RNF212: variants seen among roughly 807,000 people sequenced by gnomAD.
RNF212 encodes the protein ring finger protein 212, also known as probable E3 SUMO-protein ligase RNF212.
RNF212 carries 33 observed loss-of-function variants against 34.7 expected under a neutral mutation model. The observed-to-expected ratio is 0.95, with a 90% CI of 0.72 to 1.27. The LOEUF is 1.27. Among genes scored for constraint, RNF212 ranks in the 50% most tolerant of loss-of-function variants. The probability of loss-of-function intolerance (pLI) is 0.00; values close to 1 mark genes in which losing one functional copy is unlikely to be tolerated. For missense variants in RNF212, 377 were observed against 362.2 expected, an observed-to-expected ratio of 1.04 and a Z score of -0.33; for synonymous variants, 140 against 136.1, an observed-to-expected ratio of 1.03 and a Z score of -0.20.
chr4:1,113,631 C>A (rs1288531552), upstream of RNF212: 7 of 503,448 alleles, frequency 1.4e-5, no homozygotes, highest in African/African-American at 2.1e-5. Context: ...GCCAACCTCG[C>A]GGGTTCTCCC....
chr4:1,092,474 C>A (rs1462336901), intron 3 of RNF212, among the ~76,000 whole-genome samples: 2 of 151,948 alleles, frequency 1.3e-5, no homozygotes, highest in African/African-American at 4.9e-5. Flanking sequence ...GGGAGCCACA[C>A]AGGCCTGCAG....
intron 3 of RNF212, among the ~76,000 whole-genome samples, chr4:1,091,285 C>T (rs1409195118): frequency 6.6e-6 from 1 of 152,222 alleles, no homozygotes; most frequent in African/African-American, 2.4e-5. Flanking sequence ...CAGGGCCAGC[C>T]ATGCCTGACA....
At chr4:1,105,272 G>C (rs1241636196) in intron 2 of RNF212, among the ~76,000 whole-genome samples, 2 of 148,222 alleles carry the variant, frequency 1.3e-5, no homozygotes, top group Non-Finnish European at 3.0e-5. Flanking sequence ...GGGGAGCACA[G>C]CTGCTGCTCT....
At chr4:1,091,028 G>A (rs1722111939) in intron 3 of RNF212, among the ~76,000 whole-genome samples, 190 bp from the exon 4 acceptor site, 1 of 152,212 alleles carries the variant, frequency 6.6e-6, no homozygotes, top group Admixed American at 6.5e-5. Context: ...CACAGGGGAG[G>A]CTTAATGGGC....
At chr4:1,061,723 A>G (rs148539340) in intron 3 of RNF212, among the ~76,000 whole-genome samples, 80 of 152,358 alleles carry the variant, frequency 5.3e-4, no homozygotes, top group African/African-American at 1.9e-3. Flanking sequence ...AGCAGAAACC[A>G]TGAGCGGACA....
chr4:1,091,214 AGAAT>A (rs1435313924), intron 3 of RNF212, among the ~76,000 whole-genome samples: 7 of 152,220 alleles, frequency 4.6e-5, no homozygotes, highest in African/African-American at 1.7e-4. Flanking sequence ...GCCGGCACAC[AGAAT>A]GAGGCTAAGC....
intron 3 of RNF212, among the ~76,000 whole-genome samples, chr4:1,062,043 G>C (rs1250805976): frequency 1.3e-5 from 2 of 152,144 alleles, no homozygotes; most frequent in Admixed American, 1.3e-4. Flanking sequence ...TATGATGATA[G>C]TGACTCCAGG....
At chr4:1,098,543 G>A (rs1046873299) in intron 2 of RNF212, among the ~76,000 whole-genome samples, 5 of 152,054 alleles carry the variant, frequency 3.3e-5, no homozygotes, top group African/African-American at 7.2e-5. Flanking sequence ...GCTCTGGCTC[G>A]GATGGGGTAG....
At chr4:1,077,212 AGAGT>A (rs999189038) in intron 8 of RNF212, among the ~76,000 whole-genome samples, 2 of 152,228 alleles carry the variant, frequency 1.3e-5, no homozygotes, top group African/African-American at 2.4e-5. Context: ...TATAGGCAAT[AGAGT>A]GAGACTCTGT....
chr4:1,090,460 G>C (rs1424165201), intron 4 of RNF212, among the ~76,000 whole-genome samples: 1 of 152,184 alleles, frequency 6.6e-6, no homozygotes, highest in Non-Finnish European at 1.5e-5. Flanking sequence ...TGGGATGGTT[G>C]AGCAGAGAAG....
chr4:1,070,939 A>C (rs1456503919), downstream of RNF212, among the ~76,000 whole-genome samples: 2 of 151,998 alleles, frequency 1.3e-5, no homozygotes, highest in Non-Finnish European at 2.9e-5. Context: ...TTTCGAAATA[A>C]ATTATTTTAA....
intron 5 of RNF212, 47 bp from the exon 6 acceptor site, chr4:1,081,666 T>A (rs761152544): frequency 1.5e-6 from 2 of 1,360,870 alleles, no homozygotes; most frequent in South Asian, 2.4e-5. Flanking sequence ...AAAAACTGAC[T>A]TCCCCCCAGG....
chr4:1,091,184 CT>C (rs1388053065), intron 3 of RNF212, among the ~76,000 whole-genome samples: 4 of 152,172 alleles, frequency 2.6e-5, no homozygotes, highest in Admixed American at 1.3e-4. Flanking sequence ...GGACCAATGG[CT>C]GGGGCAAGTG....
rs185805823 is a variant in RNF212, at chr4:1,061,678, G to A, written n.148-3285C>T. Reference sequence around the variant, plus strand: ...CAACCGCTGAGCTGTAAAGACAGGCGGACACCCCGGGACATCTCAGCTCAA... The same window carrying A: ...CAACCGCTGAGCTGTAAAGACAGGCAGACACCCCGGGACATCTCAGCTCAA... On this transcript the variant is annotated intron_variant and non_coding_transcript_variant, in intron 3 of 4. Transcript: ENST00000503206. Among the ~76,000 whole-genome samples, 581 of 151,958 alleles carry A rather than the reference G, an allele frequency of 3.8e-3. 2 individuals carry two copies. The highest frequency in any genetic ancestry group is 8.6e-3 in the Admixed American group (131 of 15,298).
intron 8 of RNF212, among the ~76,000 whole-genome samples, chr4:1,077,844 C>A (rs542893236): frequency 6.6e-6 from 1 of 152,170 alleles, no homozygotes; most frequent in African/African-American, 2.4e-5. Flanking sequence ...GGAGGTGCAC[C>A]CATAAGGAAG....
intron 4 of RNF212, among the ~76,000 whole-genome samples, chr4:1,088,517 C>G (rs1338241709): frequency 1.3e-5 from 2 of 152,198 alleles, no homozygotes; most frequent in Admixed American, 1.3e-4. Flanking sequence ...AACAAAATTG[C>G]AGCGCGACCA....
chr4:1,093,688 C>T, intron 3 of RNF212: 1 of 1,536,206 alleles, frequency 6.5e-7, no homozygotes, highest in Non-Finnish European at 8.7e-7. Context: ...GAGCGCACGG[C>T]CTGTGGCTCT....
At chr4:1,064,604 A>C (rs1272237177) in intron 3 of RNF212, among the ~76,000 whole-genome samples, 1 of 152,082 alleles carries the variant, frequency 6.6e-6, no homozygotes, top group African/African-American at 2.4e-5. Flanking sequence ...GTGCAGAGTT[A>C]GTAAGCAAGC....
In RNF212 at chr4:1,077,797, C is replaced by A. The variant is rs188575951; in HGVS notation, c.510+1846G>T. Among the ~76,000 whole-genome samples, 71 of 152,264 alleles carry A rather than the reference C, an allele frequency of 4.7e-4. No individual in the cohort carries two copies. The East Asian group carries it at 0.011, about 24-fold the overall frequency. ...GAGCTTCCAGCAGGGCCTGAGGGGG[C>A]AGGTGGGGTCCTCGATGTGGGCCAG... On this transcript the variant is annotated intron_variant, in intron 8 of 9. Transcript: ENST00000433731.
Sources: gnomAD v4.1 joint callset for allele counts (sites outside exome capture counted in the v4.1 genomes callset) on GRCh38, gnomAD v4.1.1 for gene constraint, MANE v1.5 for transcripts, NCBI Gene and HGNC (gene_info 2026-07-23, HGNC 2026-07-21) for gene names.